Variants in TBCD observed in about 807,000 individuals in gnomAD.
The protein encoded by TBCD is tubulin folding cofactor D, also known as tubulin-specific chaperone D.
Under a neutral mutation model 169.3 loss-of-function variants are expected in TBCD, and 105 were observed. That is an observed-to-expected ratio of 0.62 (90% CI 0.53 to 0.73). The LOEUF (loss-of-function observed/expected upper bound fraction) is 0.73, where lower values mean the gene tolerates loss of function less well. Among genes scored for constraint, TBCD ranks in the 30% least tolerant of loss-of-function variants. The probability of loss-of-function intolerance (pLI) is 0.00; values close to 1 mark genes in which losing one functional copy is unlikely to be tolerated. For synonymous variants in TBCD, 700 were observed against 643.9 expected (o/e 1.09, Z -1.32); for missense variants, 1,444 against 1,600.1 (o/e 0.90, Z 1.66).
intron 17 of TBCD, among the ~76,000 whole-genome samples, chr17:82,894,941 C>T (rs1008477734): frequency 1.3e-5 from 2 of 152,212 alleles, no homozygotes; most frequent in Non-Finnish European, 2.9e-5. Context: ...CGTGCCACTG[C>T]ACTCCAGCCT....
intron 14 of TBCD, among the ~76,000 whole-genome samples, chr17:82,878,845 G>A (rs1599150463): frequency 6.6e-6 from 1 of 152,158 alleles, no homozygotes; most frequent in African/African-American, 2.4e-5. Flanking sequence ...TCTTAAGGAA[G>A]GCTCGTTCCT....
In TBCD at chr17:82,898,361, A is replaced by G. The variant is rs189357907; in HGVS notation, c.1650-2290A>G. Among the ~76,000 whole-genome samples the G allele has an allele frequency of 1.5e-3, 220 of 150,130 alleles. 2 individuals are homozygous for G. The East Asian group carries it at 0.029, about 20-fold the overall frequency. On this transcript the variant is annotated intron_variant, in intron 17 of 38. Transcript: ENST00000355528. ...CGGCTCTGGGTTTTGGTGGGAGCAC[A>G]CGGCACGGCTCTGGGTTTTGGTGGG... is the stretch of plus-strand genomic sequence containing the variant.
rs543329891 is a variant in TBCD, at chr17:82,923,690, A to G, written c.2217A>G (p.Glu739=). The G allele has an allele frequency of 1.3e-6, 2 of 1,597,870 alleles. No individual in the cohort carries two copies. Among genetic ancestry groups the G allele is most frequent in the East Asian group, 2.3e-5 (1 of 44,408 alleles). Residue 739 remains glutamate, a synonymous_variant, in exon 26 of 39, where the codon GAA becomes GAG. Coordinates refer to ENST00000355528, the MANE Select transcript of TBCD (RefSeq NM_005993.5). This position sits in a 1 kb window ranked among gnomAD's most constrained non-coding sequence, Gnocchi z 4.6. ...CGGCCCTGGCTGCTCTATGCAGTGA[A>G]TATTACATGAAGGAGCCGGGGGAGG... The part of the protein sequence containing the change: ...AVSALAALCS[E]YYMKEPGEAD...
intron 29 of TBCD, 25 bp downstream of exon 29, chr17:82,927,348 GCTT>G (rs1431375803): frequency 6.2e-7 from 1 of 1,607,312 alleles, no homozygotes; most frequent in Non-Finnish European, 8.5e-7. Context: ...GTGGGTGAGC[GCTT>G]CTTCTGAGAA....
In TBCD at chr17:82,929,496, C is replaced by T. The variant is rs960069159; in HGVS notation, c.2987C>T (p.Ser996Leu). The T allele has an allele frequency of 3.1e-6, 5 of 1,605,670 alleles. No homozygotes were observed. The highest frequency in any genetic ancestry group is 1.1e-5 in the South Asian group (1 of 91,078). Residue 996 changes from serine to leucine, a missense_variant, in exon 32 of 39, where the codon TCG becomes TTG. Physicochemically the swap from Ser to Leu is moderately radical, Grantham distance 145. Transcript: ENST00000355528. ...GTGTCCCTGGGCGGCTTGACGGAGT[C>T]GACGGTGAGGAGGCGTCGGGCTGGC... is the stretch of plus-strand genomic sequence containing the variant. ...LVVSLGGLTESTIRHSTQSLF... is the reference protein window; with the variant it reads ...LVVSLGGLTELTIRHSTQSLF...
chr17:82,938,650 C>A (rs2062834816), intron 36 of TBCD, among the ~76,000 whole-genome samples: 2 of 152,258 alleles, frequency 1.3e-5, no homozygotes, highest in South Asian at 4.1e-4. Context: ...AGCTCTTGGG[C>A]CCTGTGCTGC....
rs1356374738 is a variant in TBCD at position 82,832,612 on chromosome 17, G to A, written c.1318+17678G>A. ...TCTGCGTGCTGAGGGTCTGGCGAGA[G>A]CCTCCGTCATCTGGCGGCTGGGAGC... On this transcript the variant is annotated intron_variant, in intron 13 of 38. Coordinates refer to ENST00000355528, the MANE Select transcript of TBCD (RefSeq NM_005993.5). The surrounding 1 kb of genome is among the most constrained non-coding windows in gnomAD (Gnocchi z 4.9). 7.2e-6 allele frequency: 5 copies of A among 698,420 alleles called. No homozygotes were observed. The highest frequency in any genetic ancestry group is 5.4e-5 in the East Asian group (2 of 37,116). 43.3% of individuals were successfully genotyped at this position (698,420 alleles called of 1,614,324 possible). A position where few individuals can be genotyped will look rare whatever the true frequency, so the allele number is the denominator to read the frequency against.
At chr17:82,767,065 G>A (rs1217668846) in intron 4 of TBCD, among the ~76,000 whole-genome samples, 1 of 152,240 alleles carries the variant, frequency 6.6e-6, no homozygotes, top group Non-Finnish European at 1.5e-5. Context: ...TTGAGCCAGC[G>A]AGGGACCTCA....
In TBCD at chr17:82,890,072, A is replaced by T. The variant is rs955383162; in HGVS notation, c.1563+375A>T. ...CTCTGTTGACGTCAGCTTGTGCCTC[A>T]TCCAGACCATAGACGGGCCCAGAAG... On this transcript the variant is annotated intron_variant, in intron 16 of 38. Coordinates refer to ENST00000355528, the MANE Select transcript of TBCD (RefSeq NM_005993.5). The surrounding 1 kb of genome is among the most constrained non-coding windows in gnomAD (Gnocchi z 5.3). Among the ~76,000 whole-genome samples the T allele has an allele frequency of 1.3e-5, 2 of 152,182 alleles. No homozygotes were observed. Among genetic ancestry groups the T allele is most frequent in the Admixed American group, 1.3e-4 (2 of 15,284 alleles).
At chr17:82,842,914 G>A (rs1221108886) in intron 13 of TBCD, among the ~76,000 whole-genome samples, 1 of 151,502 alleles carries the variant, frequency 6.6e-6, no homozygotes, top group Non-Finnish European at 1.5e-5. Flanking sequence ...CCAAGTAGCT[G>A]GGACTACAGG....
chr17:82,933,397 C>T (rs1021908715), intron 34 of TBCD, among the ~76,000 whole-genome samples: 10 of 150,982 alleles, frequency 6.6e-5, no homozygotes, highest in Admixed American at 3.3e-4. Context: ...TACAGGCATG[C>T]GCTGTAGTCT....
At chr17:82,902,441 C>G (rs578099587) in intron 18 of TBCD, among the ~76,000 whole-genome samples, 24 of 152,366 alleles carry the variant, frequency 1.6e-4, no homozygotes, top group African/African-American at 5.5e-4. Context: ...GGTGCTTTGT[C>G]TTTTCTGTTC....
intron 7 of TBCD, among the ~76,000 whole-genome samples, chr17:82,784,251 G>T (rs561593158): frequency 6.6e-6 from 1 of 152,286 alleles, no homozygotes; most frequent in East Asian, 1.9e-4. Flanking sequence ...TTTCTAAAAA[G>T]ATTTTTCTGG....
chr17:82,753,399 G>T (rs554843729), intron 1 of TBCD, among the ~76,000 whole-genome samples: 9 of 150,122 alleles, frequency 6.0e-5, no homozygotes, highest in Admixed American at 5.9e-4. Flanking sequence ...CCAGGGACCA[G>T]TGAAGCCAGA....
chr17:82,877,387 C>G (rs1358265514), intron 14 of TBCD, among the ~76,000 whole-genome samples: 1 of 152,076 alleles, frequency 6.6e-6, no homozygotes, highest in Non-Finnish European at 1.5e-5. Flanking sequence ...CCTCTGTCGC[C>G]CAGGCTGGAG....
In TBCD at chr17:82,752,102, T is replaced by C; in HGVS notation, c.-92T>C. On this transcript the variant is annotated 5_prime_UTR_variant, in exon 1 of 39. Coordinates refer to ENST00000355528, the MANE Select transcript of TBCD (RefSeq NM_005993.5). Reference sequence around the variant, plus strand: ...TGCCGCCTTAGCGGGCGCCTCCTTTTCATCCCTCATCCTTCATCCCTGGCT... The same window carrying C: ...TGCCGCCTTAGCGGGCGCCTCCTTTCCATCCCTCATCCTTCATCCCTGGCT... The C allele has an allele frequency of 7.5e-7, 1 of 1,332,262 alleles. No individual in the cohort carries two copies. Among genetic ancestry groups the C allele is most frequent in the Non-Finnish European group, 9.7e-7 (1 of 1,031,046 alleles). The allele number at this position is 1,332,262 out of a possible 1,614,324, so 82.5% of individuals were successfully genotyped here. A position where few individuals can be genotyped will look rare whatever the true frequency, so the allele number is the denominator to read the frequency against.
chr17:82,904,511 A>G (rs2060104479), intron 19 of TBCD, among the ~76,000 whole-genome samples: 1 of 152,228 alleles, frequency 6.6e-6, no homozygotes, highest in Admixed American at 6.5e-5. Context: ...TGGCTCAGCT[A>G]AGTCTGCACT....
chr17:82,906,289 C>T (rs922493513), intron 20 of TBCD, among the ~76,000 whole-genome samples: 4 of 152,218 alleles, frequency 2.6e-5, no homozygotes, highest in Non-Finnish European at 5.9e-5. Flanking sequence ...GTGCAGCACC[C>T]GGATGGGCCG....
intron 13 of TBCD, among the ~76,000 whole-genome samples, chr17:82,834,612 G>A (rs954062060): frequency 6.6e-6 from 1 of 151,802 alleles, no homozygotes; most frequent in Non-Finnish European, 1.5e-5. Flanking sequence ...GCAAACTAAC[G>A]CAGGAAGAGA....
Sources: allele counts gnomAD v4.1 joint callset (sites outside exome capture counted in the v4.1 genomes callset), GRCh38; gene constraint gnomAD v4.1.1; non-coding constraint Gnocchi (gnomAD v3.1); transcripts MANE v1.5; gene names NCBI Gene and HGNC (gene_info 2026-07-23, HGNC 2026-07-21).